NOS1AP: variants seen among roughly 807,000 people sequenced by gnomAD.
The protein encoded by NOS1AP is nitric oxide synthase 1 adaptor protein.
A neutral mutation model predicts 56.2 loss-of-function variants in NOS1AP; 21 were observed. That is an observed-to-expected ratio of 0.37 (90% confidence interval 0.26 to 0.54). The LOEUF is 0.54. Among genes scored for constraint, NOS1AP ranks in the 20% least tolerant of loss-of-function variants. The pLI is 0.84. For missense variants in NOS1AP, 522 were observed against 657.8 expected (o/e 0.79, Z 2.26); for synonymous variants, 270 against 274.6 (o/e 0.98, Z 0.17).
intron 2 of NOS1AP, among the ~76,000 whole-genome samples, chr1:162,212,584 G>T (rs1652389714): frequency 6.6e-6 from 1 of 152,142 alleles, no homozygotes; most frequent in Non-Finnish European, 1.5e-5. Flanking sequence ...TATGTTGGTG[G>T]TGGTAGTGGA....
intron 2 of NOS1AP, among the ~76,000 whole-genome samples, chr1:162,211,491 G>A (rs1319013050): frequency 6.6e-6 from 1 of 152,192 alleles, no homozygotes; most frequent in African/African-American, 2.4e-5. Context: ...TCCAAATGCA[G>A]TCACATTGGG....
At chr1:162,081,260 A>T (rs1482810693) in intron 1 of NOS1AP, among the ~76,000 whole-genome samples, 2 of 152,162 alleles carry the variant, frequency 1.3e-5, no homozygotes, top group African/African-American at 4.8e-5. Flanking sequence ...AGGTGACCTT[A>T]GTCCTTTCCA....
At chr1:162,310,834 C>T (rs1656002306) in intron 4 of NOS1AP, among the ~76,000 whole-genome samples, 1 of 152,086 alleles carries the variant, frequency 6.6e-6, no homozygotes, top group Non-Finnish European at 1.5e-5. Flanking sequence ...CCTCAGCTGT[C>T]CTCTCCTCCC....
intron 1 of NOS1AP, among the ~76,000 whole-genome samples, chr1:162,077,700 C>G (rs1262141632): frequency 6.6e-6 from 1 of 151,036 alleles, no homozygotes; most frequent in Non-Finnish European, 1.5e-5. Flanking sequence ...TCCCCACCCC[C>G]ACCCTGGCAC....
At chr1:162,081,490 A>C (rs1326154615) in intron 1 of NOS1AP, among the ~76,000 whole-genome samples, 1 of 149,560 alleles carries the variant, frequency 6.7e-6, no homozygotes, top group Non-Finnish European at 1.5e-5. Context: ...TTTCCTGTCC[A>C]GTGTGGCATT....
chr1:162,343,714 A>T, intron 5 of NOS1AP, 121 bp from the exon 6 acceptor site: 1 of 1,072,966 alleles, frequency 9.3e-7, no homozygotes, highest in Non-Finnish European at 1.5e-6. Context: ...ACTCATTTGT[A>T]TGTGCATATC....
intron 4 of NOS1AP, among the ~76,000 whole-genome samples, chr1:162,303,057 G>A (rs902929968): frequency 3.9e-5 from 6 of 152,180 alleles, no homozygotes; most frequent in East Asian, 3.9e-4. Context: ...CACAGCTTGC[G>A]TAACCATTCA....
Position 162,312,838 on chromosome 1 carries a change from A to G in NOS1AP, c.344+12132A>G, listed in dbSNP as rs1656089912. ...AGGCTGGTTCAATATATGCAAATCA[A>G]TAAATGTAATCCAGCATATAAACAG... On this transcript the variant is annotated intron_variant, in intron 4 of 9. Coordinates refer to ENST00000361897, the MANE Select transcript of NOS1AP (RefSeq NM_014697.3). 2.0e-5 allele frequency among the ~76,000 whole-genome samples: 3 copies of G among 152,076 alleles called. No individual in the cohort carries two copies. In the South Asian group the frequency reaches 6.2e-4, roughly 32 times the overall value.
chr1:162,286,563 A>G (rs1041104462), intron 2 of NOS1AP, among the ~76,000 whole-genome samples: 1 of 152,236 alleles, frequency 6.6e-6, no homozygotes, highest in Non-Finnish European at 1.5e-5. Context: ...AGAGATGGCT[A>G]TGAATGAACA....
At chr1:162,171,920 A>AT (rs1650802248) in intron 2 of NOS1AP, among the ~76,000 whole-genome samples, 4 of 152,242 alleles carry the variant, frequency 2.6e-5, no homozygotes, top group African/African-American at 9.6e-5. Flanking sequence ...TTTAGGCCAT[A>AT]TATTTCCTCC....
chr1:162,343,278 T>G (rs1004000769), intron 5 of NOS1AP, among the ~76,000 whole-genome samples: 8 of 152,154 alleles, frequency 5.3e-5, no homozygotes, highest in Non-Finnish European at 1.2e-4. Context: ...GTGAGGTCTT[T>G]GGAGTAAGTC....
intron 1 of NOS1AP, among the ~76,000 whole-genome samples, chr1:162,103,556 T>C (rs77765629): frequency 6.6e-6 from 1 of 152,194 alleles, no homozygotes. Context: ...ACGACTACTC[T>C]GTGGGAGTCT....
chr1:162,116,377 G>A (rs1647952860), intron 1 of NOS1AP, among the ~76,000 whole-genome samples: 1 of 152,120 alleles, frequency 6.6e-6, no homozygotes, highest in Admixed American at 6.5e-5. Flanking sequence ...GGGATGTAGA[G>A]TCTTGCATGC....
chr1:162,209,478 A>G (rs1048188438), intron 2 of NOS1AP, among the ~76,000 whole-genome samples: 3 of 152,182 alleles, frequency 2.0e-5, no homozygotes, highest in Admixed American at 1.3e-4. Context: ...GAGAGCTCAA[A>G]TATAACCTTG....
At chr1:162,271,734 A>G (rs1321297665) in intron 2 of NOS1AP, among the ~76,000 whole-genome samples, 2 of 151,434 alleles carry the variant, frequency 1.3e-5, no homozygotes, top group African/African-American at 4.9e-5. Context: ...AAAGAATACC[A>G]TAGACTGGGT....
chr1:162,127,762 A>G (rs1386062969), intron 1 of NOS1AP, among the ~76,000 whole-genome samples: 3 of 152,160 alleles, frequency 2.0e-5, no homozygotes, highest in Admixed American at 6.5e-5. Context: ...GACAGTACCA[A>G]ATGGAATGGT....
At chr1:162,339,160 C>G (rs1032729716) in intron 5 of NOS1AP, among the ~76,000 whole-genome samples, 1 of 152,172 alleles carries the variant, frequency 6.6e-6, no homozygotes, top group Non-Finnish European at 1.5e-5. Flanking sequence ...CATGAGCAGG[C>G]TCTCCATCTG....
chr1:162,244,527 G>A (rs528147035), intron 2 of NOS1AP, among the ~76,000 whole-genome samples: 1 of 152,258 alleles, frequency 6.6e-6, no homozygotes, highest in African/African-American at 2.4e-5. Context: ...GAGATTAAGT[G>A]TTTTCCTGAG....
chr1:162,320,305 T>G (rs1284217211), intron 4 of NOS1AP, among the ~76,000 whole-genome samples: 1 of 152,176 alleles, frequency 6.6e-6, no homozygotes, highest in Non-Finnish European at 1.5e-5. Flanking sequence ...CTTGCCTCCT[T>G]CACAGCCTTC....
Sources: gnomAD v4.1 joint callset for allele counts (sites outside exome capture counted in the v4.1 genomes callset) on GRCh38, gnomAD v4.1.1 for gene constraint, MANE v1.5 for transcripts, NCBI Gene and HGNC (gene_info 2026-07-23, HGNC 2026-07-21) for gene names.